Variants in MAPK8IP1 observed in about 807,000 individuals in gnomAD.
MAPK8IP1 encodes the protein mitogen-activated protein kinase 8 interacting protein 1, also known as C-Jun-amino-terminal kinase-interacting protein 1.
MAPK8IP1 carries 17 observed loss-of-function variants against 72.6 expected under a neutral mutation model. The observed-to-expected ratio is 0.23, with a 90% confidence interval of 0.16 to 0.35. MAPK8IP1 has a LOEUF of 0.35. Ranked by LOEUF, MAPK8IP1 falls within the 10% of genes least tolerant of loss-of-function variation. The probability of loss-of-function intolerance (pLI) is 1.00; values close to 1 mark genes in which losing one functional copy is unlikely to be tolerated. For missense variants in MAPK8IP1, 789 were observed against 1,009.7 expected, an observed-to-expected ratio of 0.78 and a Z score of 2.96; for synonymous variants, 401 against 443.4, an observed-to-expected ratio of 0.90 and a Z score of 1.20.
In MAPK8IP1 at chr11:45,902,917, G is replaced by A. The variant is rs746239257; in HGVS notation, c.1150G>A (p.Val384Met). 2 of 1,610,332 alleles carry A rather than the reference G, an allele frequency of 1.2e-6. No homozygotes were observed. The highest frequency in any genetic ancestry group is 1.7e-6 in the Non-Finnish European group (2 of 1,178,862). The change falls in exon 5 of 12, where the codon GTG (valine) becomes ATG (methionine). Residue 384 changes from valine to methionine, a missense_variant. Physicochemically the swap from Val to Met is conservative, Grantham distance 21. Around this residue, in one of 4 missense-constraint regions of MAPK8IP1, gnomAD observed 377 missense variants for 411.7 expected, o/e 0.92. Transcript: ENST00000241014. This position sits in a 1 kb window ranked among gnomAD's most constrained non-coding sequence, Gnocchi z 9.3. Reference protein sequence around the residue: ...LSYDSVKYTLVVDEHAQLELV... With the variant: ...LSYDSVKYTLMVDEHAQLELV... Reference sequence around the variant, plus strand: ...CTATGACTCTGTCAAGTACACGCTGGTGGTAGATGAGCATGCACAGCTGGA... The same window carrying A: ...CTATGACTCTGTCAAGTACACGCTGATGGTAGATGAGCATGCACAGCTGGA...
chr11:45,904,269 A>C lies in MAPK8IP1; in HGVS notation c.1666+108A>C. On this transcript the variant is annotated intron_variant, in intron 7 of 11. Transcript: ENST00000241014. The surrounding 1 kb of genome is among the most constrained non-coding windows in gnomAD (Gnocchi z 6.4). ...TCTCAGCCAGCCAGGTGGGGGGCTG[A>C]GTGGAAGTGATTTTAGGTCCTTTTC... The C allele has an allele frequency of 7.5e-7, 1 of 1,341,728 alleles. No homozygotes were observed. Among genetic ancestry groups the C allele is most frequent in the Non-Finnish European group, 1.0e-6 (1 of 956,200 alleles). The allele number at this position is 1,341,728 out of a possible 1,614,324, so 83.1% of individuals were successfully genotyped here. A position where few individuals can be genotyped will look rare whatever the true frequency, so the allele number is the denominator to read the frequency against.
At chr11:45,897,535 T>G (rs1219963812) in intron 1 of MAPK8IP1, among the ~76,000 whole-genome samples, 1 of 152,226 alleles carries the variant, frequency 6.6e-6, no homozygotes, top group East Asian at 1.9e-4. Context: ...GAGTCCTTTC[T>G]GGAATAGGCT....
chr11:45,889,054 A>G (rs72902459), intron 1 of MAPK8IP1, among the ~76,000 whole-genome samples: 14,285 of 152,168 alleles, frequency 0.094, 940 homozygotes, highest in Non-Finnish European at 0.14. Flanking sequence ...TTTGGACCAG[A>G]AGTGTTTCAG....
At chr11:45,899,272 A>G (rs2086631226) in intron 2 of MAPK8IP1, among the ~76,000 whole-genome samples, 1 of 152,186 alleles carries the variant, frequency 6.6e-6, no homozygotes, top group South Asian at 2.1e-4. Flanking sequence ...CCTCTCCCCC[A>G]GCTGCACCAG....
rs1490685805 is a variant in MAPK8IP1 at position 45,902,586 on chromosome 11, G to A, written c.819G>A (p.Val273=). 3 of 1,612,680 alleles carry A rather than the reference G, an allele frequency of 1.9e-6. No individual in the cohort carries two copies. The highest frequency in any genetic ancestry group is 1.7e-6 in the Non-Finnish European group (2 of 1,179,892). The change falls in exon 5 of 12, where the codon GTG becomes GTA. Residue 273 remains valine (V), a synonymous_variant. Transcript: ENST00000241014. This position sits in a 1 kb window ranked among gnomAD's most constrained non-coding sequence, Gnocchi z 9.3. ...ACCGAATCCACTACCAGGCCGATGT[G>A]CGACTAGAGGCCACTGAGGAGATCT... The part of the protein sequence containing the change: ...HRDRIHYQAD[V]RLEATEEIYL...
Position 45,904,914 on chromosome 11 carries a change from G to A in MAPK8IP1, c.1894-57G>A, listed in dbSNP as rs2086692139. 4 of 1,602,652 alleles carry A rather than the reference G, an allele frequency of 2.5e-6. No individual in the cohort carries two copies. Among genetic ancestry groups the A allele is most frequent in the Admixed American group, 1.7e-5 (1 of 59,986 alleles). On this transcript the variant is annotated intron_variant, in intron 9 of 11. Transcript: ENST00000241014. This position sits in a 1 kb window ranked among gnomAD's most constrained non-coding sequence, Gnocchi z 6.4. ...ACTTGTGATGAAGAGGCCATCTCCT[G>A]TCACCCTCACTGCAGGCCAGGTGAC...
chr11:45,905,701 G>C lies in MAPK8IP1; in HGVS notation c.2116G>C (p.Glu706Gln). ...GTTTGTGGAGTACACCTGCCCCACA[G>C]AAGATATCTACCTGGAGTAGCTGTG... ...KQFVEYTCPT[E>Q]DIYLE The change falls in exon 12 of 12, where the codon GAA becomes CAA. Residue 706 changes from glutamate to glutamine, a missense_variant. Transcript: ENST00000241014. 1 of 1,613,864 alleles carries C rather than the reference G, an allele frequency of 6.2e-7. No homozygotes were observed. The highest frequency in any genetic ancestry group is 2.2e-5 in the East Asian group (1 of 44,872).
At chr11:45,886,016 C>A in intron 1 of MAPK8IP1, 95 bp downstream of exon 1, 1 of 763,036 alleles carries the variant, frequency 1.3e-6, no homozygotes, top group Non-Finnish European at 1.9e-6. Flanking sequence ...CCTCGGGAAC[C>A]CGGGAACGAA....
intron 1 of MAPK8IP1, among the ~76,000 whole-genome samples, chr11:45,895,778 G>A (rs188350933): frequency 1.1e-4 from 17 of 151,990 alleles, no homozygotes; most frequent in East Asian, 5.8e-4. Context: ...TGGCCTTCTC[G>A]GTGACCATCT....
intron 1 of MAPK8IP1, among the ~76,000 whole-genome samples, chr11:45,886,184 G>A (rs1303717453): frequency 1.3e-5 from 2 of 152,226 alleles, no homozygotes; most frequent in East Asian, 1.9e-4. Flanking sequence ...ATTGGAGGAG[G>A]GGGCTCGGAG....
rs2086659907 is a variant in MAPK8IP1 at position 45,902,294 on chromosome 11, A to G, written c.605-78A>G. ...GAGGCTTTGTCTTGGTTTCTGTGTC[A>G]CCAAGCTGAGAGTGGCAGGTGCAGG... On this transcript the variant is annotated intron_variant, in intron 4 of 11. Transcript: ENST00000241014. This position sits in a 1 kb window ranked among gnomAD's most constrained non-coding sequence, Gnocchi z 9.3. 2.3e-5 allele frequency: 30 copies of G among 1,303,834 alleles called. No individual in the cohort carries two copies. The South Asian group carries it at 3.7e-4, about 16-fold the overall frequency. The allele number at this position is 1,303,834 out of a possible 1,614,324, so 80.8% of individuals were successfully genotyped here. A position where few individuals can be genotyped will look rare whatever the true frequency, so the allele number is the denominator to read the frequency against.
intron 1 of MAPK8IP1, 55 bp downstream of exon 1, chr11:45,885,976 T>G: frequency 8.6e-7 from 1 of 1,166,920 alleles, no homozygotes; most frequent in South Asian, 1.9e-5. Context: ...TGATCCGCAT[T>G]GGCTGCCCTG....
At chr11:45,898,628 T>C (rs977011353) in intron 2 of MAPK8IP1, among the ~76,000 whole-genome samples, 1 of 152,184 alleles carries the variant, frequency 6.6e-6, no homozygotes, top group Non-Finnish European at 1.5e-5. Flanking sequence ...AAGGCACCCC[T>C]GGAATAGCTC....
rs2086607898 is a variant in MAPK8IP1, at chr11:45,896,651, G to T, written c.102-1434G>T. The T allele has an allele frequency of 2.1e-6, 3 of 1,397,732 alleles. No individual in the cohort carries two copies. The African/African-American group carries it at 4.3e-5, about 20-fold the overall frequency. 86.6% of individuals were successfully genotyped at this position (1,397,732 alleles called of 1,614,324 possible). On this transcript the variant is annotated intron_variant, in intron 1 of 11. Coordinates refer to ENST00000241014, the MANE Select transcript of MAPK8IP1 (RefSeq NM_005456.4). Reference sequence around the variant, plus strand: ...GTGCCTGCAGCTGAGGGCTGCGCTGGGAAGAGCTGGGGCTGGGACCCGGGT... The same window carrying T: ...GTGCCTGCAGCTGAGGGCTGCGCTGTGAAGAGCTGGGGCTGGGACCCGGGT...
intron 3 of MAPK8IP1, among the ~76,000 whole-genome samples, chr11:45,901,270 C>A (rs1315740293): frequency 6.6e-6 from 1 of 151,952 alleles, no homozygotes; most frequent in Middle Eastern, 3.2e-3. Context: ...GTGGAGGGAG[C>A]CCTGTGTGGG....
rs1277133847 is a variant in MAPK8IP1 at position 45,900,350 on chromosome 11, G to GGGCCAGAGCCAA, written c.432_443dup (p.Gln146_Gly149dup). 39 of 1,483,082 alleles carry GGGCCAGAGCCAA rather than the reference G, an allele frequency of 2.6e-5. No individual in the cohort carries two copies. In the African/African-American group the frequency reaches 4.1e-4, roughly 16 times the overall value. 91.9% of individuals were successfully genotyped at this position (1,483,082 alleles called of 1,614,324 possible). The stretch of plus-strand genomic sequence containing the variant: ...GCCAGGAGCCGGCGTCCCGCGGCCA[G>GGGCCAGAGCCAA]GGCCAGAGCCAAGGCCAGAGCCAGG... On this transcript the variant is annotated inframe_insertion, in exon 3 of 12. Coordinates refer to ENST00000241014, the MANE Select transcript of MAPK8IP1 (RefSeq NM_005456.4). This position sits in a 1 kb window ranked among gnomAD's most constrained non-coding sequence, Gnocchi z 6.5.
At chr11:45,895,643 T>C (rs746112474) in intron 1 of MAPK8IP1, among the ~76,000 whole-genome samples, 2 of 130,826 alleles carry the variant, frequency 1.5e-5, no homozygotes, top group Admixed American at 1.6e-4. Flanking sequence ...AATATATATA[T>C]ATATATATAT....
intron 1 of MAPK8IP1, among the ~76,000 whole-genome samples, chr11:45,890,786 C>T (rs745972715): frequency 1.3e-5 from 2 of 151,994 alleles, no homozygotes; most frequent in African/African-American, 2.4e-5. Flanking sequence ...CATTGGAGGA[C>T]CCAATTGGAG....
chr11:45,890,027 C>T (rs889270015), intron 1 of MAPK8IP1, among the ~76,000 whole-genome samples: 5 of 152,282 alleles, frequency 3.3e-5, no homozygotes, highest in Middle Eastern at 6.8e-3. Flanking sequence ...CCAGGCTCAG[C>T]GGGTCTAGAC....
Sources: allele counts gnomAD v4.1 joint callset (sites outside exome capture counted in the v4.1 genomes callset), GRCh38; gene constraint gnomAD v4.1.1; regional missense constraint gnomAD v4.1.1; non-coding constraint Gnocchi (gnomAD v3.1); transcripts MANE v1.5; gene names NCBI Gene and HGNC (gene_info 2026-07-23, HGNC 2026-07-21).